Variants in FAM83D observed in about 807,000 individuals in gnomAD.
FAM83D encodes the protein scaffolding CK1 anchoring protein D.
A neutral mutation model predicts 25.4 loss-of-function variants in FAM83D; 26 were observed. That is an observed-to-expected ratio of 1.02 (90% confidence interval 0.75 to 1.42). The LOEUF (loss-of-function observed/expected upper bound fraction) is 1.42. Among genes scored for constraint, FAM83D ranks in the 40% most tolerant of loss-of-function variants. The probability of loss-of-function intolerance (pLI) is 0.00; values close to 1 mark genes in which losing one functional copy is unlikely to be tolerated. For synonymous variants in FAM83D, 310 were observed against 318.5 expected (o/e 0.97, Z 0.28); for missense variants, 740 against 758.1 (o/e 0.98, Z 0.28).
chr20:38,946,090 G>A (rs767076072), intron 2 of FAM83D, among the ~76,000 whole-genome samples: 8 of 150,254 alleles, frequency 5.3e-5, no homozygotes, highest in Non-Finnish European at 1.2e-4. Flanking sequence ...GGTGCCTGTA[G>A]TCTTAGCTAC....
At chr20:38,930,753 T>A (rs992877814) in intron 1 of FAM83D, among the ~76,000 whole-genome samples, 1 of 151,912 alleles carries the variant, frequency 6.6e-6, no homozygotes, top group Non-Finnish European at 1.5e-5. Flanking sequence ...GTTCAAGCGA[T>A]TCTCCTACCT....
Position 38,942,093 on chromosome 20 carries a change from C to T in FAM83D, c.618C>T (p.Cys206=). 6.2e-7 allele frequency: 1 copy of T among 1,614,192 alleles called. No homozygotes were observed. Among genetic ancestry groups the T allele is most frequent in the Non-Finnish European group, 8.5e-7 (1 of 1,180,024 alleles). ...QALLSQFLDM[C]MDLKVHPEQE... ...TCCTCTCTCAATTTCTGGATATGTGCATGGATCTGAAAGTTCATCCTGAAC... is the reference window on the plus strand; with the variant it reads ...TCCTCTCTCAATTTCTGGATATGTGTATGGATCTGAAAGTTCATCCTGAAC... Residue 206 remains cysteine (C), a synonymous_variant, in exon 2 of 4, where the codon TGC becomes TGT. Coordinates refer to ENST00000619850, the MANE Select transcript of FAM83D (RefSeq NM_030919.3).
In FAM83D at chr20:38,941,985, C is replaced by G. The variant is rs2085704384; in HGVS notation, c.510C>G (p.Phe170Leu). Residue 170 changes from phenylalanine to leucine, a missense_variant, in exon 2 of 4, where the codon TTC becomes TTG. This residue lies in a region of FAM83D where 333 missense variants were observed against 298.6 expected (regional missense o/e 1.12). Coordinates refer to ENST00000619850, the MANE Select transcript of FAM83D (RefSeq NM_030919.3). ...REVIAVVMDV[F>L]TDIDIFRDLQ... ...TGATTGCAGTGGTCATGGACGTGTT[C>G]ACAGACATCGACATCTTCAGAGACC... 1 of 1,613,992 alleles carries G rather than the reference C, an allele frequency of 6.2e-7. No homozygotes were observed. Among genetic ancestry groups the G allele is most frequent in the Non-Finnish European group, 8.5e-7 (1 of 1,180,058 alleles).
chr20:38,951,917 G>C lies in FAM83D; in HGVS notation c.1155G>C (p.Lys385Asn), dbSNP rs770321143. ...SSHRDELQSRKAIDAATQTEP... is the reference protein window; with the variant it reads ...SSHRDELQSRNAIDAATQTEP... ...ACAGGGACGAGCTCCAGAGCAGAAA[G>C]GCCATTGACGCTGCCACTCAAACAG... is the stretch of plus-strand genomic sequence containing the variant. The change falls in exon 4 of 4, where the codon AAG becomes AAC. Residue 385 changes from lysine to asparagine, a missense_variant. Lys to Asn is a moderately conservative substitution (Grantham distance 94). This residue lies in a region of FAM83D where 375 missense variants were observed against 403.2 expected (regional missense o/e 0.93). Coordinates refer to ENST00000619850, the MANE Select transcript of FAM83D (RefSeq NM_030919.3). The C allele has an allele frequency of 1.2e-5, 20 of 1,614,176 alleles. No individual in the cohort carries two copies. The South Asian group carries it at 1.9e-4, about 15-fold the overall frequency.
At chr20:38,948,645 G>T (rs2085740091) in intron 3 of FAM83D, among the ~76,000 whole-genome samples, 1 of 152,224 alleles carries the variant, frequency 6.6e-6, no homozygotes, top group Non-Finnish European at 1.5e-5. Context: ...TGGCTCCAAT[G>T]GTTGTATGTT....
chr20:38,945,410 A>T (rs999460759), intron 2 of FAM83D, among the ~76,000 whole-genome samples: 4 of 150,892 alleles, frequency 2.7e-5, no homozygotes, highest in Non-Finnish European at 4.4e-5. Context: ...TTTAATTTTT[A>T]TTTTGAAATA....
chr20:38,929,790 T>TAAA (rs763008692), intron 1 of FAM83D, among the ~76,000 whole-genome samples: 3 of 128,784 alleles, frequency 2.3e-5, no homozygotes, highest in Admixed American at 7.9e-5. Flanking sequence ...CCTGTCTCTT[T>TAAA]AAAAAAAAAA....
At chr20:38,933,418 T>C (rs953215842) in intron 1 of FAM83D, among the ~76,000 whole-genome samples, 3 of 152,250 alleles carry the variant, frequency 2.0e-5, no homozygotes, top group Non-Finnish European at 4.4e-5. Flanking sequence ...ACTTATCTAT[T>C]TTACCACAAT....
intron 1 of FAM83D, 144 bp downstream of exon 1, chr20:38,927,069 T>G: frequency 7.5e-7 from 1 of 1,341,244 alleles, no homozygotes; most frequent in Non-Finnish European, 9.6e-7. Flanking sequence ...TCCCAGGGTC[T>G]CCGACTCACA....
At position 38,951,825 on chromosome 20, in the gene FAM83D, A is replaced by G. The variant is rs762409981; in HGVS notation, c.1063A>G (p.Lys355Glu). 7 of 1,614,098 alleles carry G rather than the reference A, an allele frequency of 4.3e-6. No homozygotes were observed. Among genetic ancestry groups the G allele is most frequent in the Non-Finnish European group, 5.9e-6 (7 of 1,180,036 alleles). ...DLDPEMPAEG[K>E]AERKPHDCES... ...GGACCCAGAGATGCCCGCAGAGGGCAAGGCAGAGCGCAAGCCCCATGACTG... is the reference window on the plus strand; with the variant it reads ...GGACCCAGAGATGCCCGCAGAGGGCGAGGCAGAGCGCAAGCCCCATGACTG... The change falls in exon 4 of 4, where the codon AAG becomes GAG. Residue 355 changes from lysine to glutamate, a missense_variant. Coordinates refer to ENST00000619850, the MANE Select transcript of FAM83D (RefSeq NM_030919.3).
At chr20:38,936,826 G>A (rs917060812) in intron 1 of FAM83D, among the ~76,000 whole-genome samples, 1 of 152,092 alleles carries the variant, frequency 6.6e-6, no homozygotes, top group African/African-American at 2.4e-5. Context: ...AAGAAGGCAA[G>A]CAGAAAAGAG....
At chr20:38,930,916 G>C (rs1020133087) in intron 1 of FAM83D, among the ~76,000 whole-genome samples, 2 of 152,218 alleles carry the variant, frequency 1.3e-5, no homozygotes, top group African/African-American at 2.4e-5. Context: ...GATTACAGGC[G>C]TGAGCCACTG....
intron 3 of FAM83D, among the ~76,000 whole-genome samples, chr20:38,951,049 C>G (rs1326529962): frequency 1.3e-5 from 2 of 152,158 alleles, no homozygotes; most frequent in African/African-American, 4.8e-5. Context: ...TCTTGAACTC[C>G]TGACCTCAAA....
At chr20:38,951,415 G>A (rs1407489220) in intron 3 of FAM83D, 124 bp from the exon 4 acceptor site, 4 of 1,016,728 alleles carry the variant, frequency 3.9e-6, no homozygotes, top group Non-Finnish European at 5.6e-6. Context: ...TGGTAGGTAT[G>A]ATATCACCAA....
chr20:38,947,840 T>A, intron 2 of FAM83D, 36 bp from the exon 3 acceptor site: 1 of 1,610,182 alleles, frequency 6.2e-7, no homozygotes, highest in Non-Finnish European at 8.5e-7. Context: ...TATTGCTGAA[T>A]TGTTCATTTA....
chr20:38,948,104 A>G, intron 3 of FAM83D, 104 bp downstream of exon 3: 3 of 1,348,546 alleles, frequency 2.2e-6, no homozygotes, highest in East Asian at 4.8e-5. Flanking sequence ...CTGTATGGCC[A>G]TGCATTCTGA....
intron 2 of FAM83D, 54 bp downstream of exon 2, chr20:38,942,180 T>G (rs933131100): frequency 1.3e-6 from 2 of 1,586,584 alleles, no homozygotes; most frequent in Non-Finnish European, 1.7e-6. Context: ...TGACCAAGCA[T>G]CCATTATCTA....
At chr20:38,948,314 C>T (rs2085738192) in intron 3 of FAM83D, among the ~76,000 whole-genome samples, 1 of 152,198 alleles carries the variant, frequency 6.6e-6, no homozygotes, top group South Asian at 2.1e-4. Flanking sequence ...TTAACAGCAA[C>T]ACACAGTCTG....
At chr20:38,948,062 A>AC (rs1330630122) in intron 3 of FAM83D, 62 bp downstream of exon 3, 1 of 1,589,412 alleles carries the variant, frequency 6.3e-7, no homozygotes, top group African/African-American at 1.4e-5. Context: ...CATGTCATGT[A>AC]AAGGTAAAAG....
Sources: gnomAD v4.1 joint callset for allele counts (sites outside exome capture counted in the v4.1 genomes callset) on GRCh38, gnomAD v4.1.1 for gene constraint, gnomAD v4.1.1 regional missense constraint, MANE v1.5 for transcripts, NCBI Gene and HGNC (gene_info 2026-07-23, HGNC 2026-07-21) for gene names.